Variants in DPP10 observed in about 807,000 individuals in gnomAD.
DPP10 encodes the protein inactive dipeptidyl peptidase 10.
A neutral mutation model predicts 120.9 loss-of-function variants in DPP10; 33 were observed. That is an observed-to-expected ratio of 0.27 (90% CI 0.21 to 0.37). DPP10 has a LOEUF of 0.37. DPP10 is among the 10% of genes least tolerant of loss of function. The pLI is 1.00. For missense variants in DPP10, 816 were observed against 942.8 expected (o/e 0.87, Z 1.76); for synonymous variants, 337 against 326.1 (o/e 1.03, Z -0.36).
chr2:115,835,863 T>A (rs904365041), intron 21 of DPP10, among the ~76,000 whole-genome samples: 1 of 152,102 alleles, frequency 6.6e-6, no homozygotes, highest in Non-Finnish European at 1.5e-5. Flanking sequence ...TATGAAATCA[T>A]GGAGCAATAT....
chr2:115,402,649 A>T (rs2068156432), intron 3 of DPP10, among the ~76,000 whole-genome samples: 1 of 151,372 alleles, frequency 6.6e-6, no homozygotes, highest in Admixed American at 6.6e-5. Flanking sequence ...TTTAAAAAAA[A>T]AAAAAAGTCT....
chr2:115,281,495 A>T (rs566830212), intron 1 of DPP10, among the ~76,000 whole-genome samples: 18 of 152,298 alleles, frequency 1.2e-4, no homozygotes, highest in Middle Eastern at 3.4e-3. Context: ...TTTGAAATGG[A>T]GGACCCAGTA....
intron 3 of DPP10, among the ~76,000 whole-genome samples, chr2:115,476,697 G>A (rs1839137): frequency 0.83 from 125,908 of 152,076 alleles, 55,171 homozygotes; most frequent in Non-Finnish European, 0.97. Flanking sequence ...CCAACATTGG[G>A]GAATGACATT....
At chr2:115,160,690 C>T (rs1322521135) in intron 1 of DPP10, among the ~76,000 whole-genome samples, 1 of 152,164 alleles carries the variant, frequency 6.6e-6, no homozygotes, top group East Asian at 1.9e-4. Flanking sequence ...AGGCTTTAGG[C>T]GCCCTAGGGA....
At chr2:115,821,986 T>C (rs1478017869) in intron 21 of DPP10, among the ~76,000 whole-genome samples, 2 of 152,036 alleles carry the variant, frequency 1.3e-5, no homozygotes. Flanking sequence ...TTTTATGTTT[T>C]AGGAACCATA....
chr2:114,814,815 G>A (rs1459032747), intron 1 of DPP10, among the ~76,000 whole-genome samples: 1 of 152,206 alleles, frequency 6.6e-6, no homozygotes, highest in Non-Finnish European at 1.5e-5. Flanking sequence ...CTAGGATCCT[G>A]TCATGGTTCT....
At chr2:115,120,948 A>G (rs2049791360) in intron 1 of DPP10, among the ~76,000 whole-genome samples, 1 of 152,246 alleles carries the variant, frequency 6.6e-6, no homozygotes, top group Non-Finnish European at 1.5e-5. Context: ...GTTGCTGTGC[A>G]AGTACTACGA....
At chr2:114,865,485 A>T (rs1432046496) in intron 1 of DPP10, among the ~76,000 whole-genome samples, 1 of 152,240 alleles carries the variant, frequency 6.6e-6, no homozygotes, top group Non-Finnish European at 1.5e-5. Context: ...ATTAGGACTT[A>T]AAATGCAGCA....
In DPP10 at chr2:115,490,695, G is replaced by A. The variant is rs541739057; in HGVS notation, c.272-8815G>A. On this transcript the variant is annotated intron_variant, in intron 3 of 25. Transcript: ENST00000410059. ...ATGCTAAGTTTAAATTTATATATGT[G>A]TAAATGTATTAAAAATTATTTAAAT... Among the ~76,000 whole-genome samples, 7 of 152,176 alleles carry A rather than the reference G, an allele frequency of 4.6e-5. No homozygotes were observed. In the South Asian group the frequency reaches 1.5e-3, roughly 32 times the overall value.
chr2:114,954,266 G>A (rs982921962), intron 1 of DPP10, among the ~76,000 whole-genome samples: 1 of 151,802 alleles, frequency 6.6e-6, no homozygotes, highest in Non-Finnish European at 1.5e-5. Context: ...GTATTTTTTA[G>A]TAGAGACAGG....
chr2:115,419,924 G>A (rs2069783950), intron 3 of DPP10, among the ~76,000 whole-genome samples: 1 of 152,116 alleles, frequency 6.6e-6, no homozygotes, highest in African/African-American at 2.4e-5. Context: ...TTTACCTCTT[G>A]TGGTTCTGGA....
intron 5 of DPP10, among the ~76,000 whole-genome samples, chr2:115,625,511 C>T (rs1360369477): frequency 1.3e-5 from 2 of 151,974 alleles, no homozygotes; most frequent in Admixed American, 6.6e-5. Context: ...CAAAGATAAA[C>T]GTTAAGGTAT....
At chr2:114,668,110 G>A (rs188006860) in intron 1 of DPP10, among the ~76,000 whole-genome samples, 27 of 152,162 alleles carry the variant, frequency 1.8e-4, no homozygotes, top group African/African-American at 6.3e-4. Context: ...CATATGAAGA[G>A]ATTTGTTATG....
chr2:115,028,307 C>A (rs919328456), intron 1 of DPP10, among the ~76,000 whole-genome samples: 5 of 152,074 alleles, frequency 3.3e-5, no homozygotes, highest in Non-Finnish European at 7.4e-5. Flanking sequence ...CCATGTGGTT[C>A]AAGAATTTTT....
intron 1 of DPP10, among the ~76,000 whole-genome samples, chr2:114,818,103 G>T (rs775820520): frequency 2.6e-5 from 4 of 151,996 alleles, no homozygotes; most frequent in Non-Finnish European, 5.9e-5. Context: ...AGATAACATT[G>T]AATCTTCATT....
At chr2:115,297,727 G>T (rs1387753132) in intron 1 of DPP10, among the ~76,000 whole-genome samples, 1 of 151,968 alleles carries the variant, frequency 6.6e-6, no homozygotes, top group Non-Finnish European at 1.5e-5. Flanking sequence ...GCTATGTTTT[G>T]CCTAGAACTT....
At chr2:114,836,910 A>G (rs1380330613) in intron 1 of DPP10, among the ~76,000 whole-genome samples, 2 of 152,230 alleles carry the variant, frequency 1.3e-5, no homozygotes, top group East Asian at 3.8e-4. Context: ...TTGAAAGAAG[A>G]GAAATATGGC....
At chr2:114,942,279 A>T (rs967510664) in intron 1 of DPP10, among the ~76,000 whole-genome samples, 1 of 143,588 alleles carries the variant, frequency 7.0e-6, no homozygotes, top group Non-Finnish European at 1.5e-5. Flanking sequence ...TCTCAAAAAA[A>T]AAAATGTGTA....
intron 1 of DPP10, among the ~76,000 whole-genome samples, chr2:115,028,277 T>G (rs999984661): frequency 2.6e-5 from 4 of 152,136 alleles, no homozygotes; most frequent in South Asian, 2.1e-4. Context: ...CATAGATTTT[T>G]GTATGTTGCA....
Sources: gnomAD v4.1 joint callset for allele counts (sites outside exome capture counted in the v4.1 genomes callset) on GRCh38, gnomAD v4.1.1 for gene constraint, MANE v1.5 for transcripts, NCBI Gene and HGNC (gene_info 2026-07-23, HGNC 2026-07-21) for gene names.